DACT2: variants seen among roughly 807,000 people sequenced by gnomAD.
DACT2 encodes the protein dapper homolog 2.
Under a neutral mutation model 22.2 loss-of-function variants are expected in DACT2, and 20 were observed. That is an observed-to-expected ratio of 0.90 (90% CI 0.63 to 1.31). The LOEUF (loss-of-function observed/expected upper bound fraction) is 1.31, where lower values mean the gene tolerates loss of function less well. Among genes scored for constraint, DACT2 ranks in the 50% most tolerant of loss-of-function variants. The pLI is 0.00. For synonymous variants in DACT2, 463 were observed against 479.8 expected (o/e 0.96, Z 0.46); for missense variants, 1,048 against 1,061.4 (o/e 0.99, Z 0.18).
Position 168,311,171 on chromosome 6 carries a change from G to A in DACT2, c.360C>T (p.Ser120=), listed in dbSNP as rs1003821014. 21 of 1,534,920 alleles carry A rather than the reference G, an allele frequency of 1.4e-5. No individual in the cohort carries two copies. Among genetic ancestry groups the A allele is most frequent in the Admixed American group, 7.9e-5 (4 of 50,718 alleles). ...TGGTACCTGAGCTGGGCCTGCTGTCGCTGTCCAGGGCCTCCCCTGAGGCTG... is the reference window on the plus strand; with the variant it reads ...TGGTACCTGAGCTGGGCCTGCTGTCACTGTCCAGGGCCTCCCCTGAGGCTG... ...VGTASGEALD[S]DSRPSSGFYE... is the part of the protein sequence containing the mutation. The change falls in exon 2 of 4, where the codon AGC becomes AGT. Residue 120 remains serine (S), a synonymous_variant. Transcript: ENST00000366795.
chr6:168,303,142 G>A (rs1779139485), downstream of DACT2, among the ~76,000 whole-genome samples: 1 of 152,110 alleles, frequency 6.6e-6, no homozygotes, highest in African/African-American at 2.4e-5. Flanking sequence ...AAGGTGGGAC[G>A]GCATTAAATC....
chr6:168,298,329 C>G (rs1779042507), intron 3 of DACT2: 3 of 152,142 alleles, frequency 2.0e-5, no homozygotes. Flanking sequence ...TGCCCCAGAT[C>G]CATTTGGCGA....
chr6:168,309,943 A>G (rs1016069885), intron 3 of DACT2, among the ~76,000 whole-genome samples: 1 of 144,758 alleles, frequency 6.9e-6, no homozygotes. Context: ...AAATACAGGG[A>G]AAAGTGCTGT....
chr6:168,300,842 C>T (rs1481743171), intron 3 of DACT2, among the ~76,000 whole-genome samples: 8 of 151,980 alleles, frequency 5.3e-5, no homozygotes, highest in Non-Finnish European at 1.2e-4. Flanking sequence ...AAAAATTAGC[C>T]AGGCGTGGTG....
rs1245503255 is a variant in DACT2 at position 168,308,146 on chromosome 6, G to A, written c.1611C>T (p.Ala537=). 6 of 1,550,294 alleles carry A rather than the reference G, an allele frequency of 3.9e-6. No individual in the cohort carries two copies. The African/African-American group carries it at 5.5e-5, about 14-fold the overall frequency. ...APQPSLEWDP[A]HWPTGRGGLQ... ...GCCCGCCCCTCCCTGTGGGCCAGTG[G>A]GCAGGGTCCCACTCCAGGGATGGCT... Residue 537 remains alanine (A), a synonymous_variant, in exon 4 of 4, where the codon GCC becomes GCT. Transcript: ENST00000366795.
At chr6:168,301,888 A>G (rs904452240) in intron 3 of DACT2, among the ~76,000 whole-genome samples, 1 of 152,198 alleles carries the variant, frequency 6.6e-6, no homozygotes, top group Non-Finnish European at 1.5e-5. Flanking sequence ...GGGATGACCC[A>G]CAAGTCCACA....
At chr6:168,309,615 G>A (rs917588542) in intron 3 of DACT2, among the ~76,000 whole-genome samples, 1 of 152,226 alleles carries the variant, frequency 6.6e-6, no homozygotes, top group African/African-American at 2.4e-5. Context: ...CAGTGGGATG[G>A]AGCCCCAAGG....
chr6:168,307,657 G>T lies in DACT2; in HGVS notation c.2100C>A (p.Ser700Arg). ...TTNRFGDRES[S>R]SSDEEGGAQS... The stretch of plus-strand genomic sequence containing the variant: ...GGGCGCCGCCCTCCTCGTCGCTGCT[G>T]CTGGACTCACGGTCTCCGAATCGGT... Residue 700 changes from serine (S) to arginine (R), a missense_variant, in exon 4 of 4, where the codon AGC becomes AGA. By Grantham distance (110) the Ser-to-Arg change is moderately radical. Transcript: ENST00000366795. This position sits in a 1 kb window ranked among gnomAD's most constrained non-coding sequence, Gnocchi z 5.3. 1 of 1,549,012 alleles carries T rather than the reference G, an allele frequency of 6.5e-7. No individual in the cohort carries two copies. The highest frequency in any genetic ancestry group is 1.2e-5 in the South Asian group (1 of 83,832).
intron 3 of DACT2, chr6:168,300,011 A>T (rs1208211139): frequency 6.6e-6 from 1 of 152,284 alleles, no homozygotes; most frequent in East Asian, 1.9e-4. Flanking sequence ...GCCAGGGGAC[A>T]CCATGCACTT....
At chr6:168,302,995 A>G (rs1257994107), downstream of DACT2, among the ~76,000 whole-genome samples, 1 of 152,222 alleles carries the variant, frequency 6.6e-6, no homozygotes, top group Admixed American at 6.5e-5. Flanking sequence ...TTAAAAATAA[A>G]TATACTTTTT....
intron 1 of DACT2, among the ~76,000 whole-genome samples, chr6:168,316,312 G>A (rs112140997): frequency 6.8e-4 from 91 of 134,322 alleles, no homozygotes; most frequent in East Asian, 2.0e-3. Context: ...CTGAGGTCAC[G>A]CAGAAGCTGC....
At chr6:168,311,548 A>ACACACACACACACC (rs760504807) in intron 1 of DACT2, among the ~76,000 whole-genome samples, 19 of 79,560 alleles carry the variant, frequency 2.4e-4, no homozygotes, top group East Asian at 1.5e-3. Flanking sequence ...ATCCACACAC[A>ACACACACACACACC]CATACACACA....
exon 6 of DACT2, chr6:168,293,126 A>AG (rs1208250523): frequency 3.3e-5 from 5 of 152,232 alleles, no homozygotes; most frequent in East Asian, 3.8e-4. Flanking sequence ...ACCGGCCATT[A>AG]GCTGAGCCTG....
Position 168,297,142 on chromosome 6 carries a change from T to C in DACT2, c.659-2438A>G, listed in dbSNP as rs138788979. On this transcript the variant is annotated intron_variant, in intron 3 of 5. Transcript: ENST00000366796. The stretch of plus-strand genomic sequence containing the variant: ...CCATTACAAAGGCCTGACAATACCA[T>C]GTTTTGGAAGTGAGAAAGTTGGAAG... Among the ~76,000 whole-genome samples, 34 of 152,240 alleles carry C rather than the reference T, an allele frequency of 2.2e-4. No homozygotes were observed. In the East Asian group the frequency reaches 6.6e-3, roughly 29 times the overall value.
rs1250627473 is a variant in DACT2, at chr6:168,307,480, C to T, written c.2277G>A (p.Lys759=). Residue 759 remains lysine (K), a synonymous_variant, in exon 4 of 4, where the codon AAG becomes AAA. Transcript: ENST00000366795. This position sits in a 1 kb window ranked among gnomAD's most constrained non-coding sequence, Gnocchi z 5.3. ...RIKASKALKK[K]IRRFQPTALK... is the part of the protein sequence containing the mutation. The stretch of plus-strand genomic sequence containing the variant: ...GGGCCGTCGGCTGGAACCTGCGGAT[C>T]TTCTTCTTCAGGGCCTTGGAGGCCT... 1 of 1,551,582 alleles carries T rather than the reference C, an allele frequency of 6.4e-7. No individual in the cohort carries two copies.
chr6:168,309,491 G>C (rs1462142313), intron 3 of DACT2, among the ~76,000 whole-genome samples: 1 of 59,370 alleles, frequency 1.7e-5, no homozygotes, highest in Non-Finnish European at 3.2e-5. Context: ...CTGCAGCGCG[G>C]CCCCCTCAGC....
At chr6:168,295,153 A>G (rs1778987039) in intron 3 of DACT2, among the ~76,000 whole-genome samples, 1 of 152,170 alleles carries the variant, frequency 6.6e-6, no homozygotes, top group African/African-American at 2.4e-5. Context: ...CAAGGCCCTC[A>G]CCCCGACAGG....
chr6:168,319,657 C>T lies in DACT2; in HGVS notation c.-24G>A. 8.2e-7 allele frequency: 1 copy of T among 1,218,924 alleles called. No individual in the cohort carries two copies. The highest frequency in any genetic ancestry group is 1.0e-6 in the Non-Finnish European group (1 of 977,582). 75.5% of individuals were successfully genotyped at this position (1,218,924 alleles called of 1,614,324 possible). On this transcript the variant is annotated 5_prime_UTR_variant, in exon 1 of 4. Transcript: ENST00000366795. Reference sequence around the variant, plus strand: ...ATCTCCCGGGCAGGGTCCCGGCCTCCCGAACCCCACGAGCGGCGCCGGAGG... The same window carrying T: ...ATCTCCCGGGCAGGGTCCCGGCCTCTCGAACCCCACGAGCGGCGCCGGAGG...
At chr6:168,293,575 C>T (rs888371319) in exon 6 of DACT2, 5 of 341,498 alleles carry the variant, frequency 1.5e-5, no homozygotes, top group Non-Finnish European at 2.7e-5. Context: ...GGCCCCAGCA[C>T]TTGCAGTCAT....
Sources: allele counts gnomAD v4.1 joint callset (sites outside exome capture counted in the v4.1 genomes callset), GRCh38; gene constraint gnomAD v4.1.1; non-coding constraint Gnocchi (gnomAD v3.1); transcripts MANE v1.5; gene names NCBI Gene and HGNC (gene_info 2026-07-23, HGNC 2026-07-21).